KCNH7: variants seen among roughly 807,000 people sequenced by gnomAD.
KCNH7 encodes voltage-gated inwardly rectifying potassium channel KCNH7.
KCNH7 carries 49 observed loss-of-function variants against 120.8 expected under a neutral mutation model. The observed-to-expected ratio is 0.41, with a 90% CI of 0.32 to 0.51. The LOEUF is 0.51. KCNH7 is among the 20% of genes least tolerant of loss of function. KCNH7 has a pLI of 0.38. For synonymous variants in KCNH7, 547 were observed against 516.1 expected (o/e 1.06, Z -0.81); for missense variants, 1,097 against 1,446.6 (o/e 0.76, Z 3.92).
chr2:162,378,425 A>G (rs1686290558), intron 14 of KCNH7, among the ~76,000 whole-genome samples: 1 of 152,216 alleles, frequency 6.6e-6, no homozygotes, highest in Admixed American at 6.5e-5. Flanking sequence ...GTTCAACAAC[A>G]ATAAACGGCA....
chr2:162,462,715 A>G (rs575487554), intron 6 of KCNH7, among the ~76,000 whole-genome samples: 55 of 151,988 alleles, frequency 3.6e-4, no homozygotes, highest in African/African-American at 1.3e-3. Flanking sequence ...ATTGACAGGG[A>G]TTTTCTGTGT....
intron 2 of KCNH7, among the ~76,000 whole-genome samples, chr2:162,778,252 A>G (rs1683330620): frequency 6.6e-6 from 1 of 152,120 alleles, no homozygotes; most frequent in African/African-American, 2.4e-5. Flanking sequence ...AATGAAGTTG[A>G]TATTATATTA....
chr2:162,394,364 A>C (rs1686838802), intron 12 of KCNH7, 25 bp downstream of exon 12: 2 of 1,294,328 alleles, frequency 1.5e-6, no homozygotes, highest in East Asian at 4.6e-5. Context: ...CTCTACATTT[A>C]AACTTTAGGA....
chr2:162,517,096 T>C (rs906202148), intron 4 of KCNH7, among the ~76,000 whole-genome samples: 2 of 151,914 alleles, frequency 1.3e-5, no homozygotes, highest in Middle Eastern at 3.4e-3. Flanking sequence ...TTAAGGATCC[T>C]TAATTTCACT....
intron 2 of KCNH7, among the ~76,000 whole-genome samples, chr2:162,601,356 T>C (rs1456729427): frequency 6.6e-6 from 1 of 151,318 alleles, no homozygotes; most frequent in Admixed American, 6.6e-5. Context: ...GAATATATTG[T>C]ATCTGTTCTG....
Position 162,838,583 on chromosome 2 carries a change from G to T in KCNH7, c.-65C>A, listed in dbSNP as rs886131855. ...TGGAGTTCTCCCGGGATCTCTCCTCGGCTAGAGCCCAGGCCAGCGCGCGAG... is the reference window on the plus strand; with the variant it reads ...TGGAGTTCTCCCGGGATCTCTCCTCTGCTAGAGCCCAGGCCAGCGCGCGAG... On this transcript the variant is annotated 5_prime_UTR_variant, in exon 1 of 16. Transcript: ENST00000332142. 1.6e-5 allele frequency: 22 copies of T among 1,363,930 alleles called. No homozygotes were observed. In the East Asian group the frequency reaches 5.2e-4, roughly 32 times the overall value. The allele number at this position is 1,363,930 out of a possible 1,614,324, so 84.5% of individuals were successfully genotyped here.
chr2:162,427,819 G>T (rs1687916653), intron 8 of KCNH7, among the ~76,000 whole-genome samples: 1 of 151,566 alleles, frequency 6.6e-6, no homozygotes, highest in South Asian at 2.1e-4. Context: ...CAAGTTTATT[G>T]TTCTTTATAA....
chr2:162,781,338 T>G (rs965710444), intron 2 of KCNH7, among the ~76,000 whole-genome samples: 4 of 152,050 alleles, frequency 2.6e-5, no homozygotes, highest in Non-Finnish European at 4.4e-5. Flanking sequence ...AAATTCACAA[T>G]GTCAGGCTGC....
At chr2:162,555,281 C>T (rs540325752) in intron 2 of KCNH7, among the ~76,000 whole-genome samples, 122 of 152,296 alleles carry the variant, frequency 8.0e-4, no homozygotes, top group African/African-American at 2.8e-3. Flanking sequence ...CAAGACAAAC[C>T]TCTCTACCAC....
chr2:162,731,717 T>C (rs1244622917), intron 2 of KCNH7, among the ~76,000 whole-genome samples: 4 of 152,024 alleles, frequency 2.6e-5, no homozygotes, highest in South Asian at 2.1e-4. Flanking sequence ...CTATACTAAA[T>C]TTAGGGTTGC....
Position 162,435,347 on chromosome 2 carries a change from C to T in KCNH7, c.1805G>A (p.Ser602Asn), listed in dbSNP as rs200359779. Residue 602 changes from serine to asparagine, a missense_variant, in exon 8 of 16, where the codon AGT becomes AAT. Coordinates refer to ENST00000332142, the MANE Select transcript of KCNH7 (RefSeq NM_033272.4). Reference protein sequence around the residue: ...GQQIGKRYNDSDSSSGPSIKD... With the variant: ...GQQIGKRYNDNDSSSGPSIKD... The stretch of plus-strand genomic sequence containing the variant: ...AATGGATGGTCCAGAACTTGAGTCA[C>T]TGTCATTGTAACGTTTCCCAATTTG... 2.3e-5 allele frequency: 37 copies of T among 1,613,766 alleles called. No individual in the cohort carries two copies. Among genetic ancestry groups the T allele is most frequent in the Non-Finnish European group, 3.1e-5 (37 of 1,179,876 alleles).
intron 2 of KCNH7, among the ~76,000 whole-genome samples, chr2:162,561,241 TTTTC>T (rs1159838471): frequency 2.6e-5 from 4 of 152,168 alleles, no homozygotes; most frequent in African/African-American, 7.2e-5. Flanking sequence ...CTTTAAACTC[TTTTC>T]TTTCTTTATC....
chr2:162,598,009 T>G (rs1406384385), intron 2 of KCNH7, among the ~76,000 whole-genome samples: 1 of 152,098 alleles, frequency 6.6e-6, no homozygotes, highest in East Asian at 1.9e-4. Context: ...AATCCCAGTA[T>G]TCCTGGCCAA....
rs147809175 is a variant in KCNH7, at chr2:162,727,569, T to G, written c.307+108968A>C. Among the ~76,000 whole-genome samples the G allele has an allele frequency of 6.9e-3, 1,051 of 152,286 alleles. 18 individuals carry two copies. The highest frequency in any genetic ancestry group is 0.024 in the African/African-American group (993 of 41,562). On this transcript the variant is annotated intron_variant, in intron 2 of 15. Coordinates refer to ENST00000332142, the MANE Select transcript of KCNH7 (RefSeq NM_033272.4). ...TACTTTTTAAAGAATTCCATATACATAGAATACTACTGACTATTATTTACA... is the reference window on the plus strand; with the variant it reads ...TACTTTTTAAAGAATTCCATATACAGAGAATACTACTGACTATTATTTACA...
chr2:162,836,518 C>T lies in KCNH7; in HGVS notation c.307+19G>A, dbSNP rs1459136632. 1.3e-6 allele frequency: 2 copies of T among 1,594,320 alleles called. No individual in the cohort carries two copies. The highest frequency in any genetic ancestry group is 3.3e-5 in the Admixed American group (2 of 59,834). On this transcript the variant is annotated intron_variant, in intron 2 of 15. Coordinates refer to ENST00000332142, the MANE Select transcript of KCNH7 (RefSeq NM_033272.4). ...TCAATGGGATCAAATAGAAGGAATC[C>T]TAAATAGAGGAATTTTACCATTTTT...
chr2:162,470,287 G>A (rs1335010913), intron 6 of KCNH7, among the ~76,000 whole-genome samples: 6 of 145,704 alleles, frequency 4.1e-5, no homozygotes, highest in African/African-American at 1.3e-4. Context: ...CCCGCCCATC[G>A]TCTGAGATGT....
chr2:162,376,099 C>T (rs1292372418), intron 14 of KCNH7, among the ~76,000 whole-genome samples: 1 of 151,822 alleles, frequency 6.6e-6, no homozygotes, highest in Non-Finnish European at 1.5e-5. Context: ...ACTCAGAGAC[C>T]CACAATGTAG....
At chr2:162,614,687 T>C (rs1468035277) in intron 2 of KCNH7, among the ~76,000 whole-genome samples, 2 of 148,284 alleles carry the variant, frequency 1.3e-5, no homozygotes, top group Non-Finnish European at 3.0e-5. Flanking sequence ...GTATATATAT[T>C]TATATATATT....
chr2:162,472,306 A>G (rs1007774833), intron 6 of KCNH7, among the ~76,000 whole-genome samples: 1 of 152,242 alleles, frequency 6.6e-6, no homozygotes, highest in Admixed American at 6.5e-5. Context: ...CAGGCAACCT[A>G]CAGAATGGGA....
Sources: allele counts gnomAD v4.1 joint callset (sites outside exome capture counted in the v4.1 genomes callset), GRCh38; gene constraint gnomAD v4.1.1; transcripts MANE v1.5; gene names NCBI Gene and HGNC (gene_info 2026-07-23, HGNC 2026-07-21).